Variants in FRMD3 observed in about 807,000 individuals in gnomAD.
FRMD3 encodes the protein FERM domain-containing protein 3.
In FRMD3, 33 loss-of-function variants were observed where a neutral mutation model predicts 70.2. That is an observed-to-expected ratio of 0.47 (90% CI 0.36 to 0.63). The LOEUF is 0.63. Ranked by LOEUF, FRMD3 falls within the 20% of genes least tolerant of loss-of-function variation. The probability of loss-of-function intolerance (pLI) is 0.00; values close to 1 mark genes in which losing one functional copy is unlikely to be tolerated. For missense variants in FRMD3, 632 were observed against 711.4 expected (o/e 0.89, Z 1.27); for synonymous variants, 279 against 255.9 (o/e 1.09, Z -0.86).
At chr9:83,415,490 T>C (rs1235865351) in intron 1 of FRMD3, among the ~76,000 whole-genome samples, 1 of 147,412 alleles carries the variant, frequency 6.8e-6, no homozygotes, top group Non-Finnish European at 1.5e-5. Context: ...TCACCCAGGC[T>C]GGAGTGCAGT....
In FRMD3 at chr9:83,297,678, T is replaced by A. The variant is rs138272817; in HGVS notation, c.1070+1070A>T. On this transcript the variant is annotated intron_variant, in intron 12 of 13. Coordinates refer to ENST00000304195, the MANE Select transcript of FRMD3 (RefSeq NM_174938.6). ...CTTTCAGGATCTGCACCAACATGCC[T>A]GGAGCCAAGATTCTCCAGCTTCTCT... 4 of 465,868 alleles carry A rather than the reference T, an allele frequency of 8.6e-6. No individual in the cohort carries two copies. The East Asian group carries it at 2.8e-4, about 32-fold the overall frequency. The allele number at this position is 465,868 out of a possible 1,614,324, so 28.9% of individuals were successfully genotyped here.
intron 1 of FRMD3, among the ~76,000 whole-genome samples, chr9:83,428,158 C>G (rs935577577): frequency 6.6e-6 from 1 of 152,126 alleles, no homozygotes; most frequent in African/African-American, 2.4e-5. Flanking sequence ...AGGTGGATCA[C>G]CTGAGGTCAG....
intron 1 of FRMD3, among the ~76,000 whole-genome samples, chr9:83,399,576 T>G (rs892657739): frequency 2.0e-5 from 3 of 152,210 alleles, no homozygotes; most frequent in African/African-American, 7.2e-5. Flanking sequence ...ATTTTACAAG[T>G]TGAATCTTTT....
chr9:83,245,847 A>T lies in FRMD3; in HGVS notation c.*2071T>A. On this transcript the variant is annotated 3_prime_UTR_variant, in exon 14 of 14. Transcript: ENST00000304195. ...AAAGAAGGAGAAAAACACAAATTTC[A>T]ATTTCAAACCTAGCCATCTGCAAGC... The T allele has an allele frequency of 1.0e-6, 1 of 985,338 alleles. No homozygotes were observed. Among genetic ancestry groups the T allele is most frequent in the Non-Finnish European group, 1.2e-6 (1 of 829,866 alleles). 61.0% of individuals were successfully genotyped at this position (985,338 alleles called of 1,614,324 possible).
chr9:83,316,009 A>G (rs1484598101), intron 6 of FRMD3, among the ~76,000 whole-genome samples: 2 of 152,050 alleles, frequency 1.3e-5, no homozygotes, highest in African/African-American at 4.8e-5. Context: ...TCTGTTTCCT[A>G]TCTTCCACAG....
At chr9:83,559,263 C>T in the FRMD3 span, among the ~76,000 whole-genome samples, 1 of 152,168 alleles carries the variant, frequency 6.6e-6, no homozygotes, top group Non-Finnish European at 1.5e-5. Flanking sequence ...ACAGCCACCC[C>T]AAGCTGTAGC....
intron 1 of FRMD3, among the ~76,000 whole-genome samples, chr9:83,390,305 T>C (rs1825632675): frequency 6.6e-6 from 1 of 152,192 alleles, no homozygotes; most frequent in Admixed American, 6.5e-5. Flanking sequence ...CCTGGAGCAA[T>C]CACGAGTCCA....
intron 1 of FRMD3, among the ~76,000 whole-genome samples, chr9:83,448,513 A>G (rs957358496): frequency 1.2e-4 from 18 of 152,152 alleles, no homozygotes; most frequent in African/African-American, 4.3e-4. Context: ...GGGAGGGAAA[A>G]TAGAGGTGCA....
At chr9:83,432,011 T>C (rs1435612577) in intron 1 of FRMD3, among the ~76,000 whole-genome samples, 1 of 152,180 alleles carries the variant, frequency 6.6e-6, no homozygotes, top group Non-Finnish European at 1.5e-5. Flanking sequence ...GCTCGAGGCA[T>C]AGACAATCCT....
At chr9:83,369,577 AAAATAAAT>A (rs138276429) in intron 3 of FRMD3, among the ~76,000 whole-genome samples, 27,249 of 142,004 alleles carry the variant, frequency 0.19, 2,967 homozygotes, top group East Asian at 0.43. Context: ...ACTCTGTCTC[AAAATAAAT>A]AAATAAATAA....
rs930099812 is a variant in FRMD3, at chr9:83,245,681, A to G, written c.*2237T>C. 1.1e-6 allele frequency: 1 copy of G among 945,170 alleles called. No homozygotes were observed. Among genetic ancestry groups the G allele is most frequent in the Non-Finnish European group, 1.3e-6 (1 of 793,590 alleles). The allele number at this position is 945,170 out of a possible 1,614,324, so 58.5% of individuals were successfully genotyped here. A position where few individuals can be genotyped will look rare whatever the true frequency, so the allele number is the denominator to read the frequency against. ...AAAAATATTATATAATATTATTTTG[A>G]AAGACTGAGGGCCAGATGATTTGTC... On this transcript the variant is annotated 3_prime_UTR_variant, in exon 14 of 14. Coordinates refer to ENST00000304195, the MANE Select transcript of FRMD3 (RefSeq NM_174938.6).
At chr9:83,358,458 G>C (rs1824476201) in intron 3 of FRMD3, among the ~76,000 whole-genome samples, 1 of 151,984 alleles carries the variant, frequency 6.6e-6, no homozygotes, top group African/African-American at 2.4e-5. Context: ...GTTTTTTCTA[G>C]TTATGTGAAG....
At chr9:83,393,104 T>C (rs956545384) in intron 1 of FRMD3, among the ~76,000 whole-genome samples, 1 of 152,224 alleles carries the variant, frequency 6.6e-6, no homozygotes. Context: ...AAGTATAGAC[T>C]TTTGATGCTG....
chr9:83,274,038 C>G (rs142907314), intron 13 of FRMD3, among the ~76,000 whole-genome samples: 1 of 152,206 alleles, frequency 6.6e-6, no homozygotes, highest in East Asian at 1.9e-4. Context: ...TCAGGCTGGT[C>G]TTGAACTCCT....
chr9:83,584,057 C>T, the FRMD3 span, among the ~76,000 whole-genome samples: 2 of 152,036 alleles, frequency 1.3e-5, no homozygotes, highest in Non-Finnish European at 2.9e-5. Flanking sequence ...GTCTCTTGGC[C>T]GGGCGTGGTG....
intron 1 of FRMD3, among the ~76,000 whole-genome samples, chr9:83,393,367 C>T (rs1469466433): frequency 6.6e-6 from 1 of 152,216 alleles, no homozygotes; most frequent in Non-Finnish European, 1.5e-5. Flanking sequence ...CAGTGCATGA[C>T]TGGTCCTCCA....
intron 6 of FRMD3, among the ~76,000 whole-genome samples, chr9:83,331,237 T>C (rs1836246611): frequency 6.6e-6 from 1 of 152,222 alleles, no homozygotes; most frequent in Non-Finnish European, 1.5e-5. Context: ...TAAATTATGA[T>C]ACATACAGAC....
At chr9:83,582,108 T>C in the FRMD3 span, among the ~76,000 whole-genome samples, 23 of 152,150 alleles carry the variant, frequency 1.5e-4, no homozygotes, top group Admixed American at 1.5e-3. Flanking sequence ...GATCTCACTC[T>C]GTCACCCCAG....
chr9:83,487,473 A>G (rs1828712753), intron 1 of FRMD3, among the ~76,000 whole-genome samples: 1 of 152,216 alleles, frequency 6.6e-6, no homozygotes, highest in African/African-American at 2.4e-5. Context: ...GATATCTGCT[A>G]AAAAGTCTTC....
Sources: allele counts gnomAD v4.1 joint callset (sites outside exome capture counted in the v4.1 genomes callset), GRCh38; gene constraint gnomAD v4.1.1; transcripts MANE v1.5; gene names NCBI Gene and HGNC (gene_info 2026-07-23, HGNC 2026-07-21).